The following SETD1B variants were observed in gnomAD, a reference collection of about 807,000 sequenced individuals.
The protein encoded by SETD1B is histone-lysine N-methyltransferase SETD1B.
A neutral mutation model predicts 148.0 loss-of-function variants in SETD1B; 7 were observed. That is an observed-to-expected ratio of 0.05 (90% CI 0.03 to 0.09). The LOEUF (loss-of-function observed/expected upper bound fraction) is 0.09. SETD1B is among the 10% of genes least tolerant of loss of function. The pLI is 1.00. For missense variants in SETD1B, 2,155 were observed against 2,729.9 expected (o/e 0.79, Z 4.69); for synonymous variants, 1,361 against 1,186.5 (o/e 1.15, Z -3.02).
chr12:121,799,719 G>GC (rs1875210490), upstream of SETD1B: 3 of 83,268 alleles, frequency 3.6e-5, no homozygotes, highest in East Asian at 8.5e-4. Flanking sequence ...CTCGCAGCTG[G>GC]GGGGGGGGGG....
rs774200626 is a variant in SETD1B, at chr12:121,817,281, T to C, written c.2964T>C (p.Asp988=). The change falls in exon 8 of 17, where the codon GAT becomes GAC. Residue 988 remains aspartate (D), a synonymous_variant. Coordinates refer to ENST00000604567, the MANE Select transcript of SETD1B (RefSeq NM_001353345.2). The surrounding 1 kb of genome is among the most constrained non-coding windows in gnomAD (Gnocchi z 8.1). ...GGCTGCGGCCCTCGACCTCTGTGGA[T>C]GAGGAAGATGAAGGTTCGTGCTCTG... ...QKRLRPSTSV[D]EEDEESERER... 11 of 1,550,572 alleles carry C rather than the reference T, an allele frequency of 7.1e-6. No individual in the cohort carries two copies. In the South Asian group the frequency reaches 1.2e-4, roughly 17 times the overall value.
chr12:121,820,047 G>T (rs1365935384), intron 11 of SETD1B, among the ~76,000 whole-genome samples, 152 bp downstream of exon 11: 2 of 152,218 alleles, frequency 1.3e-5, no homozygotes, highest in African/African-American at 4.8e-5. Context: ...CCTCCCTCGA[G>T]CGAGATGAGG....
chr12:121,816,835 A>G (rs980661740), intron 7 of SETD1B, among the ~76,000 whole-genome samples, 198 bp from the exon 8 acceptor site: 2 of 152,254 alleles, frequency 1.3e-5, no homozygotes, highest in East Asian at 3.8e-4. Flanking sequence ...AGGGGAGGAC[A>G]TTGAGATCTA....
Position 121,805,300 on chromosome 12 carries a change from G to A in SETD1B, c.273+84G>A. ...ACGCCAGTCCTGACCGAGCCCAGCCGGATTCCCAGTTCCCGCCGTCCGGGG... is the reference window on the plus strand; with the variant it reads ...ACGCCAGTCCTGACCGAGCCCAGCCAGATTCCCAGTTCCCGCCGTCCGGGG... On this transcript the variant is annotated intron_variant, in intron 3 of 16. Transcript: ENST00000604567. The surrounding 1 kb of genome is among the most constrained non-coding windows in gnomAD (Gnocchi z 4.2). The A allele has an allele frequency of 8.8e-7, 1 of 1,132,614 alleles. No homozygotes were observed. The highest frequency in any genetic ancestry group is 1.2e-6 in the Non-Finnish European group (1 of 800,590). The allele number at this position is 1,132,614 out of a possible 1,614,324, so 70.2% of individuals were successfully genotyped here.
At chr12:121,802,870 A>C (rs1266231662), upstream of SETD1B, 1 of 152,284 alleles carries the variant, frequency 6.6e-6, no homozygotes, top group East Asian at 1.9e-4. Flanking sequence ...CAACAAAGGA[A>C]AAACCCACTT....
Position 121,804,933 on chromosome 12 carries a change from C to T in SETD1B, c.174+22C>T, listed in dbSNP as rs1405544049. The T allele has an allele frequency of 2.7e-6, 4 of 1,479,718 alleles. No homozygotes were observed. Among genetic ancestry groups the T allele is most frequent in the Non-Finnish European group, 2.7e-6 (3 of 1,111,996 alleles). The allele number at this position is 1,479,718 out of a possible 1,614,324, so 91.7% of individuals were successfully genotyped here. ...GGCGGTGAGTAGCCGGCGCGCCCCC[C>T]CAGCCGTGCCCCGCGTCGTGTCCGG... On this transcript the variant is annotated intron_variant, in intron 2 of 16. Transcript: ENST00000604567. This position sits in a 1 kb window ranked among gnomAD's most constrained non-coding sequence, Gnocchi z 4.6.
Position 121,805,150 on chromosome 12 carries a change from A to G in SETD1B, c.207A>G (p.Glu69=). Residue 69 remains glutamate, a synonymous_variant, in exon 3 of 17, where the codon GAA becomes GAG. Coordinates refer to ENST00000604567, the MANE Select transcript of SETD1B (RefSeq NM_001353345.2). The surrounding 1 kb of genome is among the most constrained non-coding windows in gnomAD (Gnocchi z 4.2). ...MSSNRPVEIV[E]DPRVVGIWTK... ...GCAACCGCCCGGTGGAAATTGTCGAAGATCCCCGGGTCGTCGGGATCTGGA... is the reference window on the plus strand; with the variant it reads ...GCAACCGCCCGGTGGAAATTGTCGAGGATCCCCGGGTCGTCGGGATCTGGA... 6.4e-7 allele frequency: 1 copy of G among 1,551,670 alleles called. No individual in the cohort carries two copies. Among genetic ancestry groups the G allele is most frequent in the African/African-American group, 1.4e-5 (1 of 73,170 alleles).
chr12:121,826,547 TGTG>T (rs1876849984), intron 13 of SETD1B, among the ~76,000 whole-genome samples: 1 of 151,896 alleles, frequency 6.6e-6, no homozygotes, highest in Non-Finnish European at 1.5e-5. Flanking sequence ...AGAGGCCACT[TGTG>T]GGAGAGACAG....
Position 121,831,404 on chromosome 12 carries a change from T to A in SETD1B, c.*1165T>A, listed in dbSNP as rs1877085536. 6.6e-6 allele frequency: 1 copy of A among 152,082 alleles called. No individual in the cohort carries two copies. Among genetic ancestry groups the A allele is most frequent in the East Asian group, 1.9e-4 (1 of 5,200 alleles). 9.4% of individuals were successfully genotyped at this position (152,082 alleles called of 1,614,324 possible). On this transcript the variant is annotated 3_prime_UTR_variant, in exon 17 of 17. Transcript: ENST00000604567. ...CAAATCTAAGCCTTGACGGTTTTTTTTTCCCTTTTGACCCCCTTCCCATCT... is the reference window on the plus strand; with the variant it reads ...CAAATCTAAGCCTTGACGGTTTTTTATTCCCTTTTGACCCCCTTCCCATCT...
chr12:121,830,139 A>C lies in SETD1B; in HGVS notation c.5801A>C (p.Asn1934Thr). The C allele has an allele frequency of 6.4e-7, 1 of 1,551,510 alleles. No homozygotes were observed. The highest frequency in any genetic ancestry group is 8.7e-7 in the Non-Finnish European group (1 of 1,146,854). Residue 1934 changes from asparagine to threonine, a missense_variant, in exon 17 of 17, where the codon AAC becomes ACC. By Grantham distance (65) the Asn-to-Thr change is moderately conservative. Around this residue, in one of 11 missense-constraint regions of SETD1B, gnomAD observed 17 missense variants for 47.8 expected, o/e 0.36. Transcript: ENST00000604567. This position sits in a 1 kb window ranked among gnomAD's most constrained non-coding sequence, Gnocchi z 5.7. Reference protein sequence around the residue: ...KIVIYSKQHINVNEEITYDYK... With the variant: ...KIVIYSKQHITVNEEITYDYK... ...GTCATCTACTCGAAGCAGCACATTA[A>C]CGTCAATGAGGAGATTACCTATGAC...
At chr12:121,819,991 G>T (rs534111571) in intron 11 of SETD1B, 96 bp downstream of exon 11, 2 of 1,013,714 alleles carry the variant, frequency 2.0e-6, no homozygotes, top group East Asian at 2.6e-5. Context: ...ATCGCTGACC[G>T]TCCCCAGCCT....
chr12:121,804,929 C>T lies in SETD1B; in HGVS notation c.174+18C>T, dbSNP rs1300791746. 1.5e-5 allele frequency: 22 copies of T among 1,483,080 alleles called. No homozygotes were observed. Among genetic ancestry groups the T allele is most frequent in the Non-Finnish European group, 2.0e-5 (22 of 1,113,232 alleles). The allele number at this position is 1,483,080 out of a possible 1,614,324, so 91.9% of individuals were successfully genotyped here. Reference sequence around the variant, plus strand: ...GCCTGGCGGTGAGTAGCCGGCGCGCCCCCCCAGCCGTGCCCCGCGTCGTGT... The same window carrying T: ...GCCTGGCGGTGAGTAGCCGGCGCGCTCCCCCAGCCGTGCCCCGCGTCGTGT... On this transcript the variant is annotated intron_variant, in intron 2 of 16. Coordinates refer to ENST00000604567, the MANE Select transcript of SETD1B (RefSeq NM_001353345.2). The surrounding 1 kb of genome is among the most constrained non-coding windows in gnomAD (Gnocchi z 4.6).
chr12:121,804,045 C>A lies in SETD1B; in HGVS notation c.-203C>A, dbSNP rs1005364226. The A allele has an allele frequency of 1.3e-5, 2 of 152,494 alleles. No individual in the cohort carries two copies. The highest frequency in any genetic ancestry group is 1.5e-5 in the Non-Finnish European group (1 of 68,136). 9.4% of individuals were successfully genotyped at this position (152,494 alleles called of 1,614,324 possible). A position where few individuals can be genotyped will look rare whatever the true frequency, so the allele number is the denominator to read the frequency against. On this transcript the variant is annotated 5_prime_UTR_variant, in exon 1 of 17. Coordinates refer to ENST00000604567, the MANE Select transcript of SETD1B (RefSeq NM_001353345.2). This position sits in a 1 kb window ranked among gnomAD's most constrained non-coding sequence, Gnocchi z 4.6. ...TGTGCGGCTACTGGGAGCCGAGCCTCCGCCGCCAGCCGCCTCCCGGGCAGC... is the reference window on the plus strand; with the variant it reads ...TGTGCGGCTACTGGGAGCCGAGCCTACGCCGCCAGCCGCCTCCCGGGCAGC...
In SETD1B at chr12:121,814,485, A is replaced by G; in HGVS notation, c.2270A>G (p.Gln757Arg). 1 of 1,453,676 alleles carries G rather than the reference A, an allele frequency of 6.9e-7. No homozygotes were observed. Among genetic ancestry groups the G allele is most frequent in the Non-Finnish European group, 9.1e-7 (1 of 1,099,710 alleles). The allele number at this position is 1,453,676 out of a possible 1,614,324, so 90.0% of individuals were successfully genotyped here. ...PFPPGLFPVMQVDMSHVLGGQ... is the reference protein window; with the variant it reads ...PFPPGLFPVMRVDMSHVLGGQ... ...CCGCCGGGCCTGTTCCCTGTGATGC[A>G]GGTGGACATGAGCCACGTGCTGGGT... Residue 757 changes from glutamine (Q) to arginine (R), a missense_variant, in exon 7 of 17, where the codon CAG becomes CGG. Gln to Arg is a conservative substitution (Grantham distance 43, BLOSUM62 1). Coordinates refer to ENST00000604567, the MANE Select transcript of SETD1B (RefSeq NM_001353345.2).
At chr12:121,795,045 C>T in the SETD1B span, among the ~76,000 whole-genome samples, 1 of 152,218 alleles carries the variant, frequency 6.6e-6, no homozygotes, top group Non-Finnish European at 1.5e-5. Context: ...AACCGCCAAC[C>T]TGGCAGTTCC....
the SETD1B span, chr12:121,797,716 C>CA: frequency 2.4e-6 from 1 of 415,618 alleles, no homozygotes; most frequent in Non-Finnish European, 4.9e-6. Flanking sequence ...CGGAGAGCAA[C>CA]GAAGACTCTA....
upstream of SETD1B, chr12:121,802,009 CAAAGA>C (rs1269737442): frequency 6.6e-6 from 1 of 152,168 alleles, no homozygotes; most frequent in Non-Finnish European, 1.5e-5. Context: ...TCTCTCTACA[CAAAGA>C]AAAGGTCTTC....
chr12:121,813,832 G>A (rs1246671618), intron 6 of SETD1B, among the ~76,000 whole-genome samples: 1 of 152,120 alleles, frequency 6.6e-6, no homozygotes, highest in Non-Finnish European at 1.5e-5. Context: ...CTTCAACTTT[G>A]TGTCCCCAGC....
the SETD1B span, among the ~76,000 whole-genome samples, chr12:121,795,038 C>A: frequency 6.6e-5 from 10 of 152,268 alleles, no homozygotes; most frequent in African/African-American, 1.9e-4. Flanking sequence ...GGAGGAAAAC[C>A]GCCAACCTGG....
Sources: allele counts gnomAD v4.1 joint callset (sites outside exome capture counted in the v4.1 genomes callset), GRCh38; gene constraint gnomAD v4.1.1; regional missense constraint gnomAD v4.1.1; non-coding constraint Gnocchi (gnomAD v3.1); transcripts MANE v1.5; gene names NCBI Gene and HGNC (gene_info 2026-07-23, HGNC 2026-07-21).